The following PDXDC1 variants were observed in gnomAD, a reference collection of about 807,000 sequenced individuals.
PDXDC1 encodes the protein pyridoxal-dependent decarboxylase domain-containing protein 1.
In PDXDC1, 42 loss-of-function variants were observed where a neutral mutation model predicts 100.1. The observed-to-expected ratio is 0.42, with a 90% CI of 0.33 to 0.54. The LOEUF is 0.54. Among genes scored for constraint, PDXDC1 ranks in the 20% least tolerant of loss-of-function variants. The probability of loss-of-function intolerance (pLI) is 0.10; values close to 1 mark genes in which losing one functional copy is unlikely to be tolerated. For synonymous variants in PDXDC1, 260 were observed against 371.7 expected, an observed-to-expected ratio of 0.70 and a Z score of 3.46; for missense variants, 636 against 979.2, an observed-to-expected ratio of 0.65 and a Z score of 4.68.
At chr16:15,145,996 G>A in the PDXDC1 span, among the ~76,000 whole-genome samples, 10 of 152,212 alleles carry the variant, frequency 6.6e-5, no homozygotes, top group African/African-American at 1.7e-4. Flanking sequence ...CCACGAGCAG[G>A]GGGAGAGGCA....
intron 9 of PDXDC1, 24 bp downstream of exon 9, chr16:15,016,237 G>T: frequency 6.2e-7 from 1 of 1,610,448 alleles, no homozygotes; most frequent in South Asian, 1.1e-5. Context: ...GAGGCTGGTG[G>T]CTCCATTCGG....
chr16:15,039,041 T>G (rs2043683509), downstream of PDXDC1, among the ~76,000 whole-genome samples: 1 of 152,208 alleles, frequency 6.6e-6, no homozygotes, highest in Admixed American at 6.5e-5. Flanking sequence ...GACTAAAGTC[T>G]GTGTTCCCAT....
rs560774034 is a variant in PDXDC1, at chr16:15,135,536, G to C, written c.1400-3343G>C. On this transcript the variant is annotated intron_variant, in intron 16 of 16. Coordinates refer to the PDXDC1 transcript ENST00000535621. ...GGAGACCCCCTCCCCATGCTGGGACGGGGCCCACCAGGCACTGAGGACGGG... is the reference window on the plus strand; with the variant it reads ...GGAGACCCCCTCCCCATGCTGGGACCGGGCCCACCAGGCACTGAGGACGGG... The C allele has an allele frequency of 2.9e-6, 3 of 1,035,968 alleles. No homozygotes were observed. The East Asian group carries it at 7.2e-5, about 25-fold the overall frequency. 64.2% of individuals were successfully genotyped at this position (1,035,968 alleles called of 1,614,324 possible).
intron 16 of PDXDC1, chr16:15,127,709 C>T (rs1162009710): frequency 1.1e-5 from 16 of 1,488,540 alleles, no homozygotes; most frequent in East Asian, 4.9e-5. Flanking sequence ...TCACCAACAG[C>T]CCCGTACCAC....
chr16:15,143,188 G>A (rs958855095), downstream of PDXDC1, among the ~76,000 whole-genome samples: 28 of 152,162 alleles, frequency 1.8e-4, no homozygotes, highest in Non-Finnish European at 3.5e-4. Flanking sequence ...CCATCCTAGC[G>A]TGGGACCCAG....
At chr16:15,028,139 C>A (rs184886636) in intron 14 of PDXDC1, among the ~76,000 whole-genome samples, 56 of 152,388 alleles carry the variant, frequency 3.7e-4, no homozygotes, top group Non-Finnish European at 5.0e-4. Flanking sequence ...TGCCTTCCCC[C>A]CTTCCACTCT....
At chr16:15,089,802 A>AC (rs1171412628) in intron 16 of PDXDC1, among the ~76,000 whole-genome samples, 1 of 151,014 alleles carries the variant, frequency 6.6e-6, no homozygotes, top group Non-Finnish European at 1.5e-5. Context: ...AAAAAAAAAA[A>AC]AAAAAAAAAC....
downstream of PDXDC1, among the ~76,000 whole-genome samples, chr16:15,042,460 G>A (rs532323531): frequency 1.3e-5 from 2 of 152,216 alleles, no homozygotes; most frequent in South Asian, 4.1e-4. Flanking sequence ...AAAGTTCTGG[G>A]ATTACAGGAA....
chr16:15,013,371 A>G (rs2041501540), intron 8 of PDXDC1, among the ~76,000 whole-genome samples: 1 of 151,678 alleles, frequency 6.6e-6, no homozygotes, highest in Non-Finnish European at 1.5e-5. Flanking sequence ...AAAAAAAAAA[A>G]AAAGGCAAAA....
In PDXDC1 at chr16:15,125,498, C is replaced by A. The variant is rs546891493; in HGVS notation, c.1400-13381C>A. ...ACACGCAGCCCGCACACCCCCGGTA[C>A]TCCAGACACAGTGACCTGCACCAGG... On this transcript the variant is annotated intron_variant, in intron 16 of 16. Coordinates refer to the PDXDC1 transcript ENST00000535621. 327 of 1,319,662 alleles carry A rather than the reference C, an allele frequency of 2.5e-4. 1 individual carries two copies. In the African/African-American group the frequency reaches 3.9e-3, roughly 16 times the overall value. 81.7% of individuals were successfully genotyped at this position (1,319,662 alleles called of 1,614,324 possible).
rs202066712 is a variant in PDXDC1 at position 15,131,466 on chromosome 16, C to T, written c.1400-7413C>T. 279 of 1,607,786 alleles carry T rather than the reference C, an allele frequency of 1.7e-4. 1 individual carries two copies. The East Asian group carries it at 3.7e-3, about 21-fold the overall frequency. Reference sequence around the variant, plus strand: ...AGGGGATGGAGAAGTGGCAGCCAGGCCCTGGGGCGCCGCCATAGCACAGCA... The same window carrying T: ...AGGGGATGGAGAAGTGGCAGCCAGGTCCTGGGGCGCCGCCATAGCACAGCA... On this transcript the variant is annotated intron_variant, in intron 16 of 16. Transcript: ENST00000535621.
chr16:15,130,467 G>T, intron 16 of PDXDC1: 2 of 1,417,276 alleles, frequency 1.4e-6, no homozygotes, highest in East Asian at 4.6e-5. Context: ...GGGCAGGGAA[G>T]GGGCAGTGGA....
At chr16:14,997,886 C>T (rs1972342659) in intron 2 of PDXDC1, 60 bp downstream of exon 2, 1 of 1,545,238 alleles carries the variant, frequency 6.5e-7, no homozygotes, top group Non-Finnish European at 8.8e-7. Flanking sequence ...GCCAGTGGCT[C>T]TGGGTCCTTT....
rs748340099 is a variant in PDXDC1, at chr16:15,084,747, C to A, written c.1400-54132C>A. On this transcript the variant is annotated intron_variant, in intron 16 of 16. Coordinates refer to the PDXDC1 transcript ENST00000535621. ...TCAGAGTATGAGCATCAAAACAAAA[C>A]TGAAGGGCGACACGCTTGAAGCTAA... is the stretch of plus-strand genomic sequence containing the variant. The A allele has an allele frequency of 1.0e-5, 14 of 1,391,350 alleles. No homozygotes were observed. In the Admixed American group the frequency reaches 2.4e-4, roughly 23 times the overall value. The allele number at this position is 1,391,350 out of a possible 1,614,324, so 86.2% of individuals were successfully genotyped here.
chr16:15,046,016 G>T (rs1488417970), intron 16 of PDXDC1: 1 of 152,294 alleles, frequency 6.6e-6, no homozygotes, highest in Non-Finnish European at 1.5e-5. Context: ...AGCGATCACA[G>T]TTCTACAACA....
intron 16 of PDXDC1, among the ~76,000 whole-genome samples, chr16:15,075,313 T>C (rs559677113): frequency 6.7e-6 from 1 of 148,852 alleles, no homozygotes; most frequent in African/African-American, 2.5e-5. Context: ...GGCTCACGCC[T>C]ATAATTACCA....
At chr16:15,087,947 TCTA>T (rs1318552821) in intron 16 of PDXDC1, among the ~76,000 whole-genome samples, 1 of 151,822 alleles carries the variant, frequency 6.6e-6, no homozygotes, top group Non-Finnish European at 1.5e-5. Flanking sequence ...AAACCCCGTC[TCTA>T]CTAAAAATAC....
chr16:15,073,162 C>T, intron 16 of PDXDC1: 2 of 1,475,194 alleles, frequency 1.4e-6, no homozygotes, highest in Non-Finnish European at 1.9e-6. Flanking sequence ...AAACACAACA[C>T]CATTAAAAAA....
chr16:14,999,438 G>A (rs1460681675), intron 3 of PDXDC1, among the ~76,000 whole-genome samples: 3 of 151,926 alleles, frequency 2.0e-5, no homozygotes, highest in Admixed American at 6.6e-5. Context: ...GCTAGGCACC[G>A]TGGTGCACAC....
Sources: allele counts gnomAD v4.1 joint callset (sites outside exome capture counted in the v4.1 genomes callset), GRCh38; gene constraint gnomAD v4.1.1; transcripts MANE v1.5; gene names NCBI Gene and HGNC (gene_info 2026-07-23, HGNC 2026-07-21).